NYAP2: variants seen among roughly 807,000 people sequenced by gnomAD.
NYAP2 encodes the protein neuronal tyrosine-phosphorylated phosphoinositide-3-kinase adapter 2.
In NYAP2, 23 loss-of-function variants were observed where a neutral mutation model predicts 50.4. The ratio of observed to expected loss-of-function variants is 0.46; its 90% CI spans 0.33 to 0.65. The LOEUF (loss-of-function observed/expected upper bound fraction) is 0.65. Ranked by LOEUF, NYAP2 falls within the 30% of genes least tolerant of loss-of-function variation. The pLI is 0.02. For missense variants in NYAP2, 885 were observed against 861.0 expected, an observed-to-expected ratio of 1.03 and a Z score of -0.35; for synonymous variants, 394 against 365.2, an observed-to-expected ratio of 1.08 and a Z score of -0.90.
At chr2:225,508,546 T>C (rs1293946677) in intron 3 of NYAP2, among the ~76,000 whole-genome samples, 1 of 151,878 alleles carries the variant, frequency 6.6e-6, no homozygotes, top group Admixed American at 6.6e-5. Flanking sequence ...CTGTGAGAGA[T>C]AAAGAAGGAG....
At chr2:225,463,319 G>C (rs1689863642) in intron 3 of NYAP2, among the ~76,000 whole-genome samples, 1 of 152,260 alleles carries the variant, frequency 6.6e-6, no homozygotes, top group Admixed American at 6.5e-5. Context: ...AGAGTATTTA[G>C]TGGCAAACAA....
intron 4 of NYAP2, among the ~76,000 whole-genome samples, chr2:225,577,611 A>G (rs1692190127): frequency 6.6e-6 from 1 of 152,126 alleles, no homozygotes; most frequent in Non-Finnish European, 1.5e-5. Context: ...TGTTATATAA[A>G]TTATTTACTC....
intron 4 of NYAP2, among the ~76,000 whole-genome samples, chr2:225,536,917 T>G (rs1486281745): frequency 6.6e-6 from 1 of 152,038 alleles, no homozygotes; most frequent in Non-Finnish European, 1.5e-5. Context: ...TAGCTGGGAC[T>G]ACAAGTGCCC....
intron 5 of NYAP2, among the ~76,000 whole-genome samples, chr2:225,585,271 C>T (rs2106231962): frequency 6.6e-6 from 1 of 152,222 alleles, no homozygotes; most frequent in Non-Finnish European, 1.5e-5. Context: ...GAAGTTTCAT[C>T]TTAGAATTGG....
intron 4 of NYAP2, among the ~76,000 whole-genome samples, chr2:225,530,848 G>T (rs559249199): frequency 1.2e-4 from 19 of 152,180 alleles, no homozygotes; most frequent in Admixed American, 9.8e-4. Context: ...TCCTTCACTT[G>T]CCCTGATCTC....
the NYAP2 span, among the ~76,000 whole-genome samples, chr2:225,680,814 C>T: frequency 0.75 from 113,379 of 152,076 alleles, 42,470 homozygotes; most frequent in Admixed American, 0.85. Context: ...GTTTCTCTCA[C>T]CACTTACGTT....
chr2:225,429,408 C>T (rs1410788943), intron 3 of NYAP2, among the ~76,000 whole-genome samples: 3 of 152,134 alleles, frequency 2.0e-5, no homozygotes, highest in African/African-American at 4.8e-5. Context: ...ACATCGGATC[C>T]GTAATAGTGT....
chr2:225,455,056 G>A (rs1482768000), intron 3 of NYAP2, among the ~76,000 whole-genome samples: 2 of 152,096 alleles, frequency 1.3e-5, no homozygotes, highest in African/African-American at 4.8e-5. Flanking sequence ...GAGCTTGGGT[G>A]AAGGAATGCA....
chr2:225,583,047 G>A lies in NYAP2; in HGVS notation c.1618+12G>A. The A allele has an allele frequency of 1.2e-6, 2 of 1,604,302 alleles. No homozygotes were observed. Among genetic ancestry groups the A allele is most frequent in the Non-Finnish European group, 8.5e-7 (1 of 1,175,302 alleles). The stretch of plus-strand genomic sequence containing the variant: ...AGAGCCTGCAGAGAGTAAGTGTGCA[G>A]GGCCTGCCTGAGCCCCAGAGCCCAG... On this transcript the variant is annotated intron_variant, in intron 5 of 6. Transcript: ENST00000636099.
intron 3 of NYAP2, among the ~76,000 whole-genome samples, chr2:225,468,619 T>C (rs1300870268): frequency 2.6e-5 from 4 of 152,032 alleles, no homozygotes; most frequent in African/African-American, 4.8e-5. Context: ...ACTTAGACAA[T>C]AGAAAATCAT....
At chr2:225,629,318 A>G (rs1467206297) in intron 6 of NYAP2, among the ~76,000 whole-genome samples, 1 of 152,190 alleles carries the variant, frequency 6.6e-6, no homozygotes, top group Non-Finnish European at 1.5e-5. Flanking sequence ...GATGATGCCC[A>G]CCCACCTAGG....
rs145834611 is a variant in NYAP2, at chr2:225,597,651, C to A, written c.1618+14616C>A. Among the ~76,000 whole-genome samples the A allele has an allele frequency of 5.5e-3, 832 of 150,400 alleles. 11 individuals carry two copies. Among genetic ancestry groups the A allele is most frequent in the African/African-American group, 0.018 (755 of 41,050 alleles). ...CACAAGTATCTTTTTTGTATAATGA[C>A]TTCTTTTCCTCTGGGTAGGTACCCA... is the stretch of plus-strand genomic sequence containing the variant. On this transcript the variant is annotated intron_variant, in intron 5 of 6. Coordinates refer to ENST00000636099, the Ensembl canonical transcript of NYAP2.
Position 225,632,572 on chromosome 2 carries a change from A to G in NYAP2, c.1828+5446A>G, listed in dbSNP as rs537436550. Among the ~76,000 whole-genome samples, 210 of 152,334 alleles carry G rather than the reference A, an allele frequency of 1.4e-3. 1 individual carries two copies. Among genetic ancestry groups the G allele is most frequent in the Non-Finnish European group, 2.4e-3 (161 of 68,028 alleles). ...GATCTCAATTCTAATTAACATTAAC[A>G]CTGGTTGCTGGGGTACTTCGTTAAA... On this transcript the variant is annotated intron_variant, in intron 6 of 6. Coordinates refer to ENST00000636099, the Ensembl canonical transcript of NYAP2.
rs148502158 is a variant in NYAP2, at chr2:225,552,937, C to T, written c.524-29004C>T. ...TCCTGACCTCGTGATCCACCTGCCT[C>T]GGCCTCCCAAAGTGCTAAGATTACA... is the stretch of plus-strand genomic sequence containing the variant. On this transcript the variant is annotated intron_variant, in intron 4 of 6. Coordinates refer to ENST00000636099, the Ensembl canonical transcript of NYAP2. Among the ~76,000 whole-genome samples, 1,300 of 152,294 alleles carry T rather than the reference C, an allele frequency of 8.5e-3. 22 individuals carry two copies. Among genetic ancestry groups the T allele is most frequent in the African/African-American group, 0.029 (1,197 of 41,558 alleles).
At chr2:225,474,852 A>G (rs1690077450) in intron 3 of NYAP2, among the ~76,000 whole-genome samples, 1 of 152,234 alleles carries the variant, frequency 6.6e-6, no homozygotes, top group Non-Finnish European at 1.5e-5. Flanking sequence ...ACTATGTTGA[A>G]TAGGAGTGGT....
At chr2:225,431,978 T>G (rs1221501382) in intron 3 of NYAP2, among the ~76,000 whole-genome samples, 1 of 152,116 alleles carries the variant, frequency 6.6e-6, no homozygotes, top group African/African-American at 2.4e-5. Context: ...GTTGTTTGTT[T>G]GTTTGTTTTG....
intron 3 of NYAP2, among the ~76,000 whole-genome samples, chr2:225,503,837 A>T (rs1690651129): frequency 6.6e-6 from 1 of 152,116 alleles, no homozygotes; most frequent in Non-Finnish European, 1.5e-5. Context: ...CTCTATAATT[A>T]TGTCCACTGA....
chr2:225,529,859 C>A (rs1156949440), intron 4 of NYAP2, among the ~76,000 whole-genome samples: 1 of 152,152 alleles, frequency 6.6e-6, no homozygotes, highest in African/African-American at 2.4e-5. Flanking sequence ...AGGTGCCTGC[C>A]ACCACACCTG....
chr2:225,453,368 T>A (rs1689683959), intron 3 of NYAP2, among the ~76,000 whole-genome samples: 1 of 152,156 alleles, frequency 6.6e-6, no homozygotes, highest in Non-Finnish European at 1.5e-5. Context: ...AAACTTAAGA[T>A]CTAATTCAAG....
Sources: gnomAD v4.1 joint callset for allele counts (sites outside exome capture counted in the v4.1 genomes callset) on GRCh38, gnomAD v4.1.1 for gene constraint, MANE v1.5 for transcripts, NCBI Gene and HGNC (gene_info 2026-07-23, HGNC 2026-07-21) for gene names.